The following SKAP2 variants were observed in gnomAD, a reference collection of about 807,000 sequenced individuals.
SKAP2 encodes src kinase-associated phosphoprotein 2.
SKAP2 carries 28 observed loss-of-function variants against 54.9 expected under a neutral mutation model. The ratio of observed to expected loss-of-function variants is 0.51; its 90% CI spans 0.38 to 0.70. The LOEUF (loss-of-function observed/expected upper bound fraction) is 0.70. Among genes scored for constraint, SKAP2 ranks in the 30% least tolerant of loss-of-function variants. The probability of loss-of-function intolerance (pLI) is 0.00; values close to 1 mark genes in which losing one functional copy is unlikely to be tolerated. For synonymous variants in SKAP2, 137 were observed against 134.3 expected (o/e 1.02, Z -0.14); for missense variants, 356 against 424.1 (o/e 0.84, Z 1.41).
intron 7 of SKAP2, among the ~76,000 whole-genome samples, chr7:26,726,368 T>G (rs11976472): frequency 0.12 from 18,689 of 152,184 alleles, 1,669 homozygotes; most frequent in African/African-American, 0.25. Flanking sequence ...CCTGACAACT[T>G]AATTAACTGG....
intron 9 of SKAP2, among the ~76,000 whole-genome samples, chr7:26,696,902 T>C (rs62447704): frequency 0.046 from 7,021 of 152,232 alleles, 395 homozygotes; most frequent in East Asian, 0.29. Flanking sequence ...AGCAAGACGC[T>C]GTCTCTAACA....
chr7:26,660,494 A>G, the SKAP2 span, among the ~76,000 whole-genome samples: 2 of 152,094 alleles, frequency 1.3e-5, no homozygotes, highest in African/African-American at 2.4e-5. Context: ...AGTAGTATCA[A>G]TACAGAGTAT....
intron 11 of SKAP2, among the ~76,000 whole-genome samples, chr7:26,684,205 C>T (rs1274942257): frequency 6.6e-6 from 1 of 152,032 alleles, no homozygotes; most frequent in Admixed American, 6.6e-5. Flanking sequence ...TATACTTTGC[C>T]ATTTTGTTTA....
intron 11 of SKAP2, among the ~76,000 whole-genome samples, chr7:26,680,033 C>T (rs1308142427): frequency 6.6e-6 from 1 of 152,202 alleles, no homozygotes; most frequent in Non-Finnish European, 1.5e-5. Flanking sequence ...ATGCCCTAGA[C>T]TAGATAAAAT....
chr7:26,845,398 T>G (rs1784901286), intron 3 of SKAP2, among the ~76,000 whole-genome samples: 1 of 152,182 alleles, frequency 6.6e-6, no homozygotes, highest in South Asian at 2.1e-4. Flanking sequence ...TGTGAGCAAC[T>G]GTCATCAGAG....
chr7:26,741,625 C>G (rs543616701), intron 4 of SKAP2, among the ~76,000 whole-genome samples: 1 of 151,806 alleles, frequency 6.6e-6, no homozygotes, highest in Admixed American at 6.6e-5. Flanking sequence ...TTCTTTGTAA[C>G]AGAGAAAGAA....
intron 4 of SKAP2, among the ~76,000 whole-genome samples, chr7:26,773,863 T>G (rs1783241734): frequency 6.6e-6 from 1 of 152,116 alleles, no homozygotes. Flanking sequence ...AAATTGCAAC[T>G]AAAACATCAA....
intron 4 of SKAP2, among the ~76,000 whole-genome samples, chr7:26,772,730 T>G (rs1783214119): frequency 6.6e-6 from 1 of 152,222 alleles, no homozygotes; most frequent in African/African-American, 2.4e-5. Context: ...CACAAAAAAT[T>G]CCAAGTGAAA....
At chr7:26,838,772 C>A (rs1336519696) in intron 4 of SKAP2, among the ~76,000 whole-genome samples, 1 of 152,040 alleles carries the variant, frequency 6.6e-6, no homozygotes, top group Non-Finnish European at 1.5e-5. Flanking sequence ...CAACTACTTG[C>A]CTTGGTATAG....
intron 9 of SKAP2, among the ~76,000 whole-genome samples, chr7:26,718,863 G>C (rs1181486841): frequency 6.6e-6 from 1 of 151,048 alleles, no homozygotes; most frequent in Non-Finnish European, 1.5e-5. Flanking sequence ...AGCATGTATT[G>C]TTTGTAAATA....
At chr7:26,724,288 C>T (rs1425213324) in intron 9 of SKAP2, among the ~76,000 whole-genome samples, 1 of 152,146 alleles carries the variant, frequency 6.6e-6, no homozygotes, top group Non-Finnish European at 1.5e-5. Context: ...GGTGATGTTA[C>T]AATTAATTGT....
At chr7:26,859,540 G>A (rs530566212) in intron 1 of SKAP2, among the ~76,000 whole-genome samples, 32 of 152,266 alleles carry the variant, frequency 2.1e-4, no homozygotes, top group African/African-American at 7.5e-4. Flanking sequence ...AGCTCTCATG[G>A]TACAATGGGT....
chr7:26,692,901 C>A (rs1786814668), intron 9 of SKAP2, among the ~76,000 whole-genome samples: 2 of 152,260 alleles, frequency 1.3e-5, no homozygotes, highest in Admixed American at 6.5e-5. Context: ...ACTTTCTTTC[C>A]ATAGCACCCA....
intron 4 of SKAP2, among the ~76,000 whole-genome samples, chr7:26,785,888 C>A (rs1783533356): frequency 6.6e-6 from 1 of 152,164 alleles, no homozygotes; most frequent in South Asian, 2.1e-4. Flanking sequence ...TAAGACAGAG[C>A]CATTGAAGAG....
chr7:26,726,735 G>T (rs759033620), intron 7 of SKAP2, 147 bp downstream of exon 7: 234 of 599,774 alleles, frequency 3.9e-4, no homozygotes, highest in Non-Finnish European at 5.7e-4. Context: ...CCTCTTATAT[G>T]AATGTTCAAT....
intron 4 of SKAP2, among the ~76,000 whole-genome samples, chr7:26,809,682 G>C (rs1197535773): frequency 6.6e-6 from 1 of 152,138 alleles, no homozygotes; most frequent in Non-Finnish European, 1.5e-5. Flanking sequence ...AACCATTATG[G>C]AAAACAGTAT....
chr7:26,822,185 A>C (rs1304583134), intron 4 of SKAP2, among the ~76,000 whole-genome samples: 1 of 152,144 alleles, frequency 6.6e-6, no homozygotes, highest in Non-Finnish European at 1.5e-5. Context: ...AACATACCTC[A>C]TATTACTGTG....
At chr7:26,778,786 G>A (rs1368411016) in intron 4 of SKAP2, among the ~76,000 whole-genome samples, 2 of 151,710 alleles carry the variant, frequency 1.3e-5, no homozygotes, top group Non-Finnish European at 2.9e-5. Context: ...CATACATATT[G>A]TATACATGTA....
intron 11 of SKAP2, among the ~76,000 whole-genome samples, chr7:26,672,884 T>C (rs1235737048): frequency 6.6e-6 from 1 of 152,014 alleles, no homozygotes; most frequent in Admixed American, 6.6e-5. Flanking sequence ...AACTTTGGCC[T>C]GAACATTCAA....
Sources: allele counts gnomAD v4.1 joint callset (sites outside exome capture counted in the v4.1 genomes callset), GRCh38; gene constraint gnomAD v4.1.1; transcripts MANE v1.5; gene names NCBI Gene and HGNC (gene_info 2026-07-23, HGNC 2026-07-21).